The following ELF1 variants were observed in gnomAD, a reference collection of about 807,000 sequenced individuals.
ELF1 encodes the protein ETS-related transcription factor Elf-1.
Under a neutral mutation model 59.9 loss-of-function variants are expected in ELF1, and 24 were observed. That is an observed-to-expected ratio of 0.40 (90% CI 0.29 to 0.56). The LOEUF is 0.56. Among genes scored for constraint, ELF1 ranks in the 20% least tolerant of loss-of-function variants. ELF1 has a pLI of 0.44. For missense variants in ELF1, 627 were observed against 742.2 expected (o/e 0.84, Z 1.80); for synonymous variants, 248 against 266.2 (o/e 0.93, Z 0.67).
chr13:40,950,096 A>G lies in ELF1; in HGVS notation c.362-123T>C, dbSNP rs918990711. The stretch of plus-strand genomic sequence containing the variant: ...AAGTAGAAATAAAATCTTGAAATCT[A>G]TTCCTGCGTTTAAGTTCCCCTTCCC... On this transcript the variant is annotated intron_variant, in intron 4 of 8. Coordinates refer to ENST00000239882, the MANE Select transcript of ELF1 (RefSeq NM_172373.4). 5 of 936,602 alleles carry G rather than the reference A, an allele frequency of 5.3e-6. No homozygotes were observed. In the African/African-American group the frequency reaches 8.3e-5, roughly 16 times the overall value. 58.0% of individuals were successfully genotyped at this position (936,602 alleles called of 1,614,324 possible).
chr13:41,057,205 G>A (rs1826749676), intron 1 of ELF1, among the ~76,000 whole-genome samples: 1 of 150,050 alleles, frequency 6.7e-6, no homozygotes, highest in South Asian at 2.1e-4. Context: ...TCTGTCACCT[G>A]GAGTGTAGCG....
At chr13:40,989,764 G>C (rs1452886604) in intron 1 of ELF1, among the ~76,000 whole-genome samples, 1 of 151,890 alleles carries the variant, frequency 6.6e-6, no homozygotes, top group African/African-American at 2.4e-5. Flanking sequence ...TCTACTACAT[G>C]GTGAAAATTC....
intron 2 of ELF1, among the ~76,000 whole-genome samples, chr13:40,972,580 AG>A (rs1872632374): frequency 6.6e-6 from 1 of 152,208 alleles, no homozygotes; most frequent in Non-Finnish European, 1.5e-5. Flanking sequence ...GAGCTATTAA[AG>A]CTTTTTCTTG....
At chr13:40,956,666 A>G (rs1015008611) in intron 3 of ELF1, among the ~76,000 whole-genome samples, 22 of 149,922 alleles carry the variant, frequency 1.5e-4, no homozygotes, top group Non-Finnish European at 2.7e-4. Flanking sequence ...ACAGGTTTAC[A>G]TCGTCTCTAT....
intron 5 of ELF1, among the ~76,000 whole-genome samples, chr13:40,949,428 G>C (rs1240793842): frequency 6.6e-6 from 1 of 151,924 alleles, no homozygotes; most frequent in Non-Finnish European, 1.5e-5. Flanking sequence ...CATGACCTTA[G>C]CTCGCTGAAA....
intron 1 of ELF1, among the ~76,000 whole-genome samples, chr13:41,051,420 G>A (rs1877084508): frequency 6.6e-6 from 1 of 151,850 alleles, no homozygotes; most frequent in African/African-American, 2.4e-5. Context: ...TTCTATTTCA[G>A]CTCTGTGCAC....
chr13:41,041,567 T>C (rs1049065166), intron 1 of ELF1, among the ~76,000 whole-genome samples: 1 of 152,062 alleles, frequency 6.6e-6, no homozygotes, highest in African/African-American at 2.4e-5. Context: ...CCCACCTACT[T>C]CAGAGGTTAA....
At chr13:40,986,532 T>C (rs1220738914) in intron 1 of ELF1, among the ~76,000 whole-genome samples, 1 of 152,222 alleles carries the variant, frequency 6.6e-6, no homozygotes, top group African/African-American at 2.4e-5. Flanking sequence ...ACCATAGCTA[T>C]TTGCTAGACT....
At chr13:41,037,199 T>C (rs959453901) in intron 1 of ELF1, among the ~76,000 whole-genome samples, 1 of 152,132 alleles carries the variant, frequency 6.6e-6, no homozygotes, top group African/African-American at 2.4e-5. Context: ...GTGCTAAGTG[T>C]CATATACAAT....
At chr13:41,040,520 G>A (rs1174212465) in intron 1 of ELF1, among the ~76,000 whole-genome samples, 1 of 152,130 alleles carries the variant, frequency 6.6e-6, no homozygotes, top group South Asian at 2.1e-4. Flanking sequence ...CACGGATGGG[G>A]GGCAGGGGTT....
At chr13:41,015,956 G>A (rs969926986) in intron 1 of ELF1, among the ~76,000 whole-genome samples, 35 of 152,254 alleles carry the variant, frequency 2.3e-4, no homozygotes, top group African/African-American at 8.4e-4. Flanking sequence ...CTCTCAAACA[G>A]CGTATATTCT....
At chr13:41,009,851 A>T (rs1422864962) in intron 1 of ELF1, among the ~76,000 whole-genome samples, 1 of 152,070 alleles carries the variant, frequency 6.6e-6, no homozygotes, top group Admixed American at 6.6e-5. Flanking sequence ...TAAGAATGAT[A>T]TTTAAATTAC....
Position 40,982,333 on chromosome 13 carries a change from G to A in ELF1, c.-228-51C>T. 4 of 1,152,432 alleles carry A rather than the reference G, an allele frequency of 3.5e-6. No homozygotes were observed. In the African/African-American group the frequency reaches 4.8e-5, roughly 14 times the overall value. The allele number at this position is 1,152,432 out of a possible 1,614,324, so 71.4% of individuals were successfully genotyped here. ...TATGAAAAAGCAATCACCCACTTAG[G>A]ATATAATAACTGATACAGAGGGCAG... On this transcript the variant is annotated intron_variant, in intron 1 of 8. Coordinates refer to ENST00000239882, the MANE Select transcript of ELF1 (RefSeq NM_172373.4).
intron 3 of ELF1, among the ~76,000 whole-genome samples, chr13:40,953,750 C>A (rs1165182460): frequency 9.9e-5 from 15 of 152,150 alleles, no homozygotes. Flanking sequence ...CTCCCCGTCA[C>A]CCCCACTGTG....
chr13:40,933,827 C>G lies in ELF1; in HGVS notation c.1458G>C (p.Leu486=). 6.2e-7 allele frequency: 1 copy of G among 1,614,264 alleles called. No homozygotes were observed. The highest frequency in any genetic ancestry group is 8.5e-7 in the Non-Finnish European group (1 of 1,180,052). The change falls in exon 9 of 9, where the codon CTG becomes CTC. Residue 486 remains leucine (L), a synonymous_variant. Coordinates refer to ENST00000239882, the MANE Select transcript of ELF1 (RefSeq NM_172373.4). ...GAGGAGAGCCCGCCTTTTGTGACTG[C>G]AGCATGACATTTTCTTTCAGTACTG... ...PMTVLKENVM[L]QSQKAGSPPS... is the part of the protein sequence containing the mutation.
chr13:41,036,743 G>A lies in ELF1; in HGVS notation c.-229+24095C>T, dbSNP rs553297774. 8.5e-5 allele frequency among the ~76,000 whole-genome samples: 13 copies of A among 152,284 alleles called. No homozygotes were observed. The East Asian group carries it at 2.3e-3, about 27-fold the overall frequency. ...TGATAGACTGGATTAAGAAAATGTG[G>A]CACATATACACCATGGAATACTATG... is the stretch of plus-strand genomic sequence containing the variant. On this transcript the variant is annotated intron_variant, in intron 1 of 1. Transcript: ENST00000405737.
chr13:41,018,169 G>A (rs1566190997), intron 1 of ELF1, among the ~76,000 whole-genome samples: 1 of 152,000 alleles, frequency 6.6e-6, no homozygotes, highest in Non-Finnish European at 1.5e-5. Flanking sequence ...TTTATTTTTT[G>A]GAATCACTGC....
At chr13:40,966,853 T>C (rs545818798) in intron 2 of ELF1, among the ~76,000 whole-genome samples, 26 of 152,288 alleles carry the variant, frequency 1.7e-4, no homozygotes, top group African/African-American at 6.0e-4. Flanking sequence ...AAATTTAGTC[T>C]CTAGCATTTT....
At chr13:41,013,088 A>G (rs1875171080) in intron 1 of ELF1, among the ~76,000 whole-genome samples, 1 of 152,176 alleles carries the variant, frequency 6.6e-6, no homozygotes, top group African/African-American at 2.4e-5. Context: ...CCTGAAATGC[A>G]TCAACTGTCC....
Sources: gnomAD v4.1 joint callset for allele counts (sites outside exome capture counted in the v4.1 genomes callset) on GRCh38, gnomAD v4.1.1 for gene constraint, MANE v1.5 for transcripts, NCBI Gene and HGNC (gene_info 2026-07-23, HGNC 2026-07-21) for gene names.